Variants in RSPH14 observed in about 807,000 individuals in gnomAD.
RSPH14 encodes the protein radial spoke head 14 homolog, also known as rhabdoid tumor deletion region gene 1.
In RSPH14, 20 loss-of-function variants were observed where a neutral mutation model predicts 26.7. The ratio of observed to expected loss-of-function variants is 0.75; its 90% confidence interval spans 0.53 to 1.09. The LOEUF (loss-of-function observed/expected upper bound fraction) is 1.09, where lower values mean the gene tolerates loss of function less well. Among genes scored for constraint, RSPH14 ranks in the 50% least tolerant of loss-of-function variants. RSPH14 has a pLI of 0.00. For missense variants in RSPH14, 449 were observed against 457.2 expected, an observed-to-expected ratio of 0.98 and a Z score of 0.16; for synonymous variants, 177 against 189.3, an observed-to-expected ratio of 0.93 and a Z score of 0.53.
chr22:23,069,477 A>G (rs1343328459), intron 4 of RSPH14, among the ~76,000 whole-genome samples: 1 of 152,204 alleles, frequency 6.6e-6, no homozygotes, highest in African/African-American at 2.4e-5. Context: ...AGGCTTTGAA[A>G]TTGAAAACAG....
At chr22:23,083,445 G>A (rs2068732675) in intron 4 of RSPH14, among the ~76,000 whole-genome samples, 1 of 152,172 alleles carries the variant, frequency 6.6e-6, no homozygotes, top group African/African-American at 2.4e-5. Context: ...GCTCTCAAAA[G>A]GGAGTGCTGG....
chr22:23,139,627 T>A (rs1368828869), intron 2 of RSPH14, among the ~76,000 whole-genome samples: 2 of 40,640 alleles, frequency 4.9e-5, no homozygotes, highest in East Asian at 5.3e-4. Flanking sequence ...TCTCAAAAAA[T>A]AAATAAATAA....
chr22:23,131,150 G>A (rs1413991363), intron 4 of RSPH14: 1 of 158,162 alleles, frequency 6.3e-6, no homozygotes, highest in Admixed American at 6.1e-5. Context: ...GGAAATGAAT[G>A]AAATACAGCC....
chr22:23,081,132 C>T (rs894812999), intron 4 of RSPH14, among the ~76,000 whole-genome samples: 13 of 152,168 alleles, frequency 8.5e-5, no homozygotes, highest in African/African-American at 2.2e-4. Flanking sequence ...CAGTAAAAGC[C>T]GTGGTTAGGT....
upstream of RSPH14, chr22:23,145,641 T>C: frequency 8.7e-6 from 12 of 1,385,732 alleles, no homozygotes; most frequent in Non-Finnish European, 1.2e-5. Context: ...GGGCACAGCG[T>C]CCGCGCCCAC....
rs2068356799 is a variant in RSPH14 at position 23,071,030 on chromosome 22, GAGAGGGCCCC to G, written c.422-6907_422-6898del. Among the ~76,000 whole-genome samples, 1 of 152,210 alleles carries G rather than the reference GAGAGGGCCCC, an allele frequency of 6.6e-6. No individual in the cohort carries two copies. The highest frequency in any genetic ancestry group is 1.5e-5 in the Non-Finnish European group (1 of 68,018). On this transcript the variant is annotated intron_variant, in intron 4 of 6. Transcript: ENST00000216036. The surrounding 1 kb of genome is among the most constrained non-coding windows in gnomAD (Gnocchi z 4.1). The stretch of plus-strand genomic sequence containing the variant: ...ATGCAGGGCCTTGCCTGAAACCGAG[GAGAGGGCCCC>G]AGAGGCCTGGGCCCGAGGACCTGGG...
At chr22:23,093,437 C>T (rs778305410) in intron 4 of RSPH14, among the ~76,000 whole-genome samples, 1 of 152,192 alleles carries the variant, frequency 6.6e-6, no homozygotes, top group Non-Finnish European at 1.5e-5. Context: ...GAGGCCAGGA[C>T]GGGCCCTCCT....
the RSPH14 span, among the ~76,000 whole-genome samples, chr22:23,168,544 G>A: frequency 6.6e-6 from 1 of 152,176 alleles, no homozygotes; most frequent in Non-Finnish European, 1.5e-5. Context: ...TGTGAGATGC[G>A]ATGCCCTCCC....
chr22:23,063,577 A>C (rs1057268934), intron 5 of RSPH14, among the ~76,000 whole-genome samples: 1 of 152,180 alleles, frequency 6.6e-6, no homozygotes, highest in African/African-American at 2.4e-5. Flanking sequence ...AACGCCTGGC[A>C]CACAGGAGGC....
chr22:23,080,034 G>A (rs541589009), intron 4 of RSPH14, among the ~76,000 whole-genome samples: 1 of 152,172 alleles, frequency 6.6e-6, no homozygotes, highest in East Asian at 1.9e-4. Flanking sequence ...CTTCCCTGGG[G>A]AAACTGGGGA....
At chr22:23,158,452 A>G in the RSPH14 span, among the ~76,000 whole-genome samples, 1 of 152,160 alleles carries the variant, frequency 6.6e-6, no homozygotes, top group Non-Finnish European at 1.5e-5. Flanking sequence ...TTGAGAAGAG[A>G]GAATTGGCAA....
the RSPH14 span, among the ~76,000 whole-genome samples, chr22:23,165,238 C>T: frequency 6.6e-6 from 1 of 152,182 alleles, no homozygotes; most frequent in Non-Finnish European, 1.5e-5. Flanking sequence ...CAAACAAGAC[C>T]ATGTTCCCAG....
At chr22:23,161,463 CCTGG>C in the RSPH14 span, 1 of 1,549,214 alleles carries the variant, frequency 6.5e-7, no homozygotes, top group Non-Finnish European at 8.9e-7. Context: ...CTACAGGATT[CCTGG>C]TTGATGCTAA....
intron 4 of RSPH14, among the ~76,000 whole-genome samples, chr22:23,081,854 A>G (rs1405115788): frequency 1.4e-4 from 20 of 144,990 alleles, no homozygotes; most frequent in Admixed American, 2.8e-4. Flanking sequence ...GGCCAGGCGC[A>G]GTGGCTCACG....
chr22:23,070,600 C>CGCCGCTGA (rs201366455), intron 4 of RSPH14: 18,504 of 151,816 alleles, frequency 0.12, 1,329 homozygotes, highest in South Asian at 0.18. Flanking sequence ...GCCGGCCGCG[C>CGCCGCTGA]GCCGCTGAGC....
chr22:23,136,115 G>C (rs183557392), intron 3 of RSPH14: 32 of 600,824 alleles, frequency 5.3e-5, no homozygotes, highest in Non-Finnish European at 9.4e-5. Flanking sequence ...TCCTTGGTCC[G>C]TGTCTAGTCA....
At chr22:23,099,132 C>T (rs909302732) in intron 4 of RSPH14, among the ~76,000 whole-genome samples, 1 of 152,228 alleles carries the variant, frequency 6.6e-6, no homozygotes, top group South Asian at 2.1e-4. Context: ...CCACGCCTGG[C>T]GAAGGAGCCA....
intron 4 of RSPH14, chr22:23,124,952 A>T (rs959215394): frequency 6.6e-6 from 1 of 152,344 alleles, no homozygotes; most frequent in African/African-American, 2.4e-5. Context: ...ACGTGAAGAG[A>T]TGTACGGGGG....
At chr22:23,146,806 T>A, upstream of RSPH14, 1 of 1,429,512 alleles carries the variant, frequency 7.0e-7, no homozygotes, top group Non-Finnish European at 9.2e-7. Flanking sequence ...ATTGTCAGAT[T>A]TACCTTGAGG....
Sources: gnomAD v4.1 joint callset for allele counts (sites outside exome capture counted in the v4.1 genomes callset) on GRCh38, gnomAD v4.1.1 for gene constraint, Gnocchi (gnomAD v3.1) non-coding constraint, MANE v1.5 for transcripts, NCBI Gene and HGNC (gene_info 2026-07-23, HGNC 2026-07-21) for gene names.